The following UNK variants were observed in gnomAD, a reference collection of about 807,000 sequenced individuals.
The protein encoded by UNK is unk zinc finger, also known as RING finger protein unkempt homolog.
In UNK, 32 loss-of-function variants were observed where a neutral mutation model predicts 97.6. The observed-to-expected ratio is 0.33, with a 90% confidence interval of 0.25 to 0.44. The LOEUF is 0.44. Ranked by LOEUF, UNK falls within the 20% of genes least tolerant of loss-of-function variation. The pLI is 1.00. For synonymous variants in UNK, 441 were observed against 461.2 expected (o/e 0.96, Z 0.56); for missense variants, 771 against 1,098.4 (o/e 0.70, Z 4.21).
intron 13 of UNK, chr17:75,821,700 G>A (rs1490531837): frequency 2.2e-6 from 1 of 456,554 alleles, no homozygotes; most frequent in Non-Finnish European, 4.4e-6. Flanking sequence ...AGTACATATG[G>A]GCAGAGTGAG....
At chr17:75,787,164 A>AG (rs2061720084) in intron 1 of UNK, among the ~76,000 whole-genome samples, 1 of 152,144 alleles carries the variant, frequency 6.6e-6, no homozygotes, top group African/African-American at 2.4e-5. Context: ...GCTGAGGTGC[A>AG]GGGAGCATGA....
At position 75,788,421 on chromosome 17, in the gene UNK, G is replaced by A. The variant is rs1300266897; in HGVS notation, c.104+3437G>A. ...TCTCGAACTCCTAACCTCGTGATCC[G>A]CCCACCTTGGCCTCCCAAACTGCTG... On this transcript the variant is annotated intron_variant, in intron 1 of 15. Coordinates refer to ENST00000589666, the MANE Select transcript of UNK (RefSeq NM_001080419.3). 4.6e-5 allele frequency among the ~76,000 whole-genome samples: 7 copies of A among 152,128 alleles called. No homozygotes were observed. In the East Asian group the frequency reaches 7.7e-4, roughly 17 times the overall value.
intron 13 of UNK, chr17:75,821,323 C>T (rs2062065941): frequency 2.2e-6 from 1 of 454,292 alleles, no homozygotes; most frequent in Non-Finnish European, 4.4e-6. Context: ...GCAACAGTCC[C>T]TGCTGTCCAG....
At chr17:75,812,717 C>A in intron 4 of UNK, 132 bp downstream of exon 4, 1 of 1,364,572 alleles carries the variant, frequency 7.3e-7, no homozygotes, top group Non-Finnish European at 9.7e-7. Flanking sequence ...ACCCTACACC[C>A]ACCATTCAAA....
At chr17:75,811,244 C>G (rs1171689216) in intron 2 of UNK, among the ~76,000 whole-genome samples, 4 of 152,204 alleles carry the variant, frequency 2.6e-5, no homozygotes, top group Non-Finnish European at 5.9e-5. Flanking sequence ...TGAGCCACCA[C>G]GCCTGGCCAT....
At chr17:75,801,578 ACT>A (rs1315454794) in intron 1 of UNK, among the ~76,000 whole-genome samples, 2 of 151,320 alleles carry the variant, frequency 1.3e-5, no homozygotes, top group Non-Finnish European at 2.9e-5. Context: ...TTTTGAGATC[ACT>A]CTGTCGCCCA....
intron 13 of UNK, chr17:75,821,159 C>CT: frequency 3.3e-6 from 1 of 306,122 alleles, no homozygotes; most frequent in Non-Finnish European, 6.5e-6. Context: ...TCAGGTAATC[C>CT]TTCCACATCA....
At chr17:75,808,736 G>A (rs1031900421) in intron 1 of UNK, among the ~76,000 whole-genome samples, 7 of 152,068 alleles carry the variant, frequency 4.6e-5, no homozygotes, top group Non-Finnish European at 1.0e-4. Context: ...TTTGTTGCTT[G>A]CATTTTTAGG....
Position 75,816,642 on chromosome 17 carries a change from G to A in UNK, c.962-128G>A. 8.4e-7 allele frequency: 1 copy of A among 1,183,998 alleles called. No homozygotes were observed. Among genetic ancestry groups the A allele is most frequent in the Non-Finnish European group, 1.1e-6 (1 of 873,194 alleles). The allele number at this position is 1,183,998 out of a possible 1,614,324, so 73.3% of individuals were successfully genotyped here. A position where few individuals can be genotyped will look rare whatever the true frequency, so the allele number is the denominator to read the frequency against. ...TAAATGCACAGACATGGTGTTACTA[G>A]AGATGTCGTAGGAACCTTCCCTTTA... On this transcript the variant is annotated intron_variant, in intron 7 of 15. Transcript: ENST00000589666. The surrounding 1 kb of genome is among the most constrained non-coding windows in gnomAD (Gnocchi z 4.0).
At chr17:75,791,869 A>G in intron 1 of UNK, 2 of 985,424 alleles carry the variant, frequency 2.0e-6, no homozygotes, top group Non-Finnish European at 2.4e-6. Flanking sequence ...GCAGCTGGAC[A>G]ACTCTGAGAG....
rs566405570 is a variant in UNK at position 75,817,902 on chromosome 17, C to T, written c.1306-201C>T. ...GGGCTTACATGAGGCCTAGTGTCAC[C>T]GGGAGGAGAAGGGCAGCTCCCTGCT... On this transcript the variant is annotated intron_variant, in intron 9 of 15. Transcript: ENST00000589666. The surrounding 1 kb of genome is among the most constrained non-coding windows in gnomAD (Gnocchi z 5.8). Among the ~76,000 whole-genome samples, 13 of 151,570 alleles carry T rather than the reference C, an allele frequency of 8.6e-5. No homozygotes were observed. The South Asian group carries it at 1.7e-3, about 19-fold the overall frequency.
At chr17:75,821,641 C>T (rs1437347089) in intron 13 of UNK, 2 of 456,712 alleles carry the variant, frequency 4.4e-6, no homozygotes, top group East Asian at 6.9e-5. Context: ...GGTTCTGGAA[C>T]ATCCTGGTTG....
chr17:75,820,474 C>G (rs1367880599), intron 13 of UNK, among the ~76,000 whole-genome samples: 1 of 152,172 alleles, frequency 6.6e-6, no homozygotes, highest in African/African-American at 2.4e-5. Context: ...TGCCCAGTCA[C>G]CCCAGGCTCC....
chr17:75,785,128 T>A, intron 1 of UNK, 144 bp downstream of exon 1: 1 of 551,496 alleles, frequency 1.8e-6, no homozygotes, highest in Non-Finnish European at 3.1e-6. Flanking sequence ...TCCAACCTGC[T>A]GGGGCCGGTC....
intron 1 of UNK, among the ~76,000 whole-genome samples, chr17:75,794,441 A>C (rs978390978): frequency 1.3e-5 from 2 of 152,120 alleles, no homozygotes; most frequent in African/African-American, 4.8e-5. Flanking sequence ...GCTCGAGACC[A>C]GCCTGGCCAA....
chr17:75,811,197 C>T (rs1426100869), intron 2 of UNK, among the ~76,000 whole-genome samples: 4 of 152,170 alleles, frequency 2.6e-5, no homozygotes, highest in African/African-American at 9.7e-5. Context: ...GTGATCCACC[C>T]GCCTCGGCCT....
intron 1 of UNK, chr17:75,793,890 A>G: frequency 2.0e-6 from 2 of 985,446 alleles, no homozygotes; most frequent in Non-Finnish European, 2.4e-6. Flanking sequence ...AAAAACCTTT[A>G]GCATGGTGTT....
chr17:75,803,893 C>A (rs1035684881), intron 1 of UNK, among the ~76,000 whole-genome samples: 2 of 152,212 alleles, frequency 1.3e-5, no homozygotes, highest in African/African-American at 4.8e-5. Flanking sequence ...GCTTTTGCTG[C>A]AGACTAGGTA....
intron 1 of UNK, among the ~76,000 whole-genome samples, chr17:75,801,021 A>T (rs1418514897): frequency 6.6e-6 from 1 of 151,688 alleles, no homozygotes; most frequent in Non-Finnish European, 1.5e-5. Flanking sequence ...CTCCTGCCTC[A>T]GCCTCCTGAG....
Sources: allele counts gnomAD v4.1 joint callset (sites outside exome capture counted in the v4.1 genomes callset), GRCh38; gene constraint gnomAD v4.1.1; non-coding constraint Gnocchi (gnomAD v3.1); transcripts MANE v1.5; gene names NCBI Gene and HGNC (gene_info 2026-07-23, HGNC 2026-07-21).